Variants in GLIS3 observed in about 807,000 individuals in gnomAD.
GLIS3 encodes GLIS family zinc finger 3, also known as zinc finger protein GLIS3.
Under a neutral mutation model 78.6 loss-of-function variants are expected in GLIS3, and 53 were observed. That is an observed-to-expected ratio of 0.67 (90% CI 0.54 to 0.85). The LOEUF (loss-of-function observed/expected upper bound fraction) is 0.85. Among genes scored for constraint, GLIS3 ranks in the 40% least tolerant of loss-of-function variants. The pLI is 0.00. For synonymous variants in GLIS3, 684 were observed against 509.9 expected (o/e 1.34, Z -4.60); for missense variants, 1,703 against 1,231.1 (o/e 1.38, Z -5.74).
intron 2 of GLIS3, among the ~76,000 whole-genome samples, chr9:4,275,096 C>A (rs1373611743): frequency 1.3e-5 from 2 of 152,242 alleles, no homozygotes; most frequent in East Asian, 3.9e-4. Flanking sequence ...ATAGTATCTG[C>A]CTGCCTGGGT....
At chr9:3,959,791 G>A (rs941820513) in intron 4 of GLIS3, among the ~76,000 whole-genome samples, 1 of 152,168 alleles carries the variant, frequency 6.6e-6, no homozygotes, top group African/African-American at 2.4e-5. Flanking sequence ...TCTTTCCAGA[G>A]GTAACCAAAT....
At chr9:4,399,587 C>A in the GLIS3 span, among the ~76,000 whole-genome samples, 5 of 152,332 alleles carry the variant, frequency 3.3e-5, no homozygotes, top group Admixed American at 2.6e-4. Flanking sequence ...CACGTTTAAT[C>A]TTGTAATTTG....
At chr9:4,472,933 A>C in the GLIS3 span, among the ~76,000 whole-genome samples, 1 of 152,186 alleles carries the variant, frequency 6.6e-6, no homozygotes, top group Non-Finnish European at 1.5e-5. Context: ...ATTGAAAAAC[A>C]TTTTTAAAAA....
At chr9:4,040,311 T>C (rs923524269) in intron 4 of GLIS3, among the ~76,000 whole-genome samples, 8 of 150,540 alleles carry the variant, frequency 5.3e-5, no homozygotes, top group African/African-American at 2.0e-4. Context: ...ACAAAAAACC[T>C]GCTACATTGA....
At chr9:3,916,405 C>T (rs1159369357) in intron 6 of GLIS3, among the ~76,000 whole-genome samples, 1 of 152,236 alleles carries the variant, frequency 6.6e-6, no homozygotes, top group African/African-American at 2.4e-5. Context: ...TAACAGCAAA[C>T]CGGGGTGTCC....
At chr9:4,125,646 G>C in intron 3 of GLIS3, 88 bp downstream of exon 3, 1 of 875,214 alleles carries the variant, frequency 1.1e-6, no homozygotes, top group East Asian at 2.4e-5. Context: ...GTGTGTGTGT[G>C]TGTGTGTGTA....
At chr9:4,353,461 G>A in the GLIS3 span, among the ~76,000 whole-genome samples, 1 of 152,136 alleles carries the variant, frequency 6.6e-6, no homozygotes. Context: ...AAAGTTCAGG[G>A]CCAGGGATTG....
At chr9:4,437,418 ATG>A in the GLIS3 span, among the ~76,000 whole-genome samples, 1,357 of 111,658 alleles carry the variant, frequency 0.012, 23 homozygotes, top group African/African-American at 0.036. Flanking sequence ...GTATGTATGT[ATG>A]TATCTATCTA....
At chr9:4,180,249 G>A (rs567736377) in intron 2 of GLIS3, among the ~76,000 whole-genome samples, 7 of 152,222 alleles carry the variant, frequency 4.6e-5, no homozygotes, top group Non-Finnish European at 7.4e-5. Context: ...GTTTCCCACC[G>A]GCATGATCTC....
At chr9:4,086,525 T>C (rs542625562) in intron 4 of GLIS3, among the ~76,000 whole-genome samples, 42 of 152,228 alleles carry the variant, frequency 2.8e-4, no homozygotes, top group African/African-American at 9.9e-4. Context: ...TTCAATAAAA[T>C]TGAAAAAGGA....
intron 2 of GLIS3, among the ~76,000 whole-genome samples, chr9:4,193,429 T>C (rs1818510867): frequency 6.6e-6 from 1 of 152,230 alleles, no homozygotes; most frequent in South Asian, 2.1e-4. Context: ...ATAATTTTGC[T>C]ATCTGGCCTG....
intron 2 of GLIS3, among the ~76,000 whole-genome samples, chr9:4,336,843 A>G (rs888593122): frequency 6.6e-6 from 1 of 152,232 alleles, no homozygotes; most frequent in Non-Finnish European, 1.5e-5. Flanking sequence ...AAAAAGATCT[A>G]TGAAAAGAGG....
At chr9:4,319,373 T>A (rs1000887082) in intron 2 of GLIS3, among the ~76,000 whole-genome samples, 6 of 152,182 alleles carry the variant, frequency 3.9e-5, no homozygotes, top group African/African-American at 1.4e-4. Flanking sequence ...TGGCAAAATG[T>A]TAACAACTGG....
At chr9:4,077,049 A>G (rs1482818918) in intron 4 of GLIS3, among the ~76,000 whole-genome samples, 1 of 152,054 alleles carries the variant, frequency 6.6e-6, no homozygotes, top group Non-Finnish European at 1.5e-5. Flanking sequence ...AGAGACCAAG[A>G]CCTTGTCTAA....
chr9:4,483,016 G>C, the GLIS3 span, among the ~76,000 whole-genome samples: 10 of 152,292 alleles, frequency 6.6e-5, no homozygotes, highest in East Asian at 1.9e-3. Context: ...TTTTCTTCCA[G>C]GAGCTGAGTG....
At chr9:3,898,035 C>T (rs1250793951) in intron 7 of GLIS3, among the ~76,000 whole-genome samples, 1 of 152,180 alleles carries the variant, frequency 6.6e-6, no homozygotes. Context: ...ATCACCATTA[C>T]AGAGAGTAGA....
chr9:4,109,183 T>C (rs1050912904), intron 4 of GLIS3, among the ~76,000 whole-genome samples: 1 of 151,938 alleles, frequency 6.6e-6, no homozygotes, highest in South Asian at 2.1e-4. Context: ...AGGAAAAAAA[T>C]CTTGAAAAGG....
chr9:3,981,938 T>A (rs570358902), intron 4 of GLIS3, among the ~76,000 whole-genome samples: 1 of 152,286 alleles, frequency 6.6e-6, no homozygotes, highest in Admixed American at 6.5e-5. Flanking sequence ...CTCCAGTGTA[T>A]CTGCCACAGA....
intron 2 of GLIS3, among the ~76,000 whole-genome samples, chr9:4,133,809 C>A (rs948352992): frequency 2.0e-5 from 3 of 149,222 alleles, no homozygotes; most frequent in African/African-American, 7.4e-5. Flanking sequence ...CTGATGCCTT[C>A]CTGCCCAAGA....
Sources: gnomAD v4.1 joint callset for allele counts (sites outside exome capture counted in the v4.1 genomes callset) on GRCh38, gnomAD v4.1.1 for gene constraint, MANE v1.5 for transcripts, NCBI Gene and HGNC (gene_info 2026-07-23, HGNC 2026-07-21) for gene names.